PLCG2: variants seen among roughly 807,000 people sequenced by gnomAD.
The protein encoded by PLCG2 is phospholipase C gamma 2.
A neutral mutation model predicts 175.6 loss-of-function variants in PLCG2; 69 were observed. The ratio of observed to expected loss-of-function variants is 0.39; its 90% CI spans 0.32 to 0.48. The LOEUF (loss-of-function observed/expected upper bound fraction) is 0.48. Ranked by LOEUF, PLCG2 falls within the 20% of genes least tolerant of loss-of-function variation. PLCG2 has a pLI of 0.91. For missense variants in PLCG2, 1,798 were observed against 1,650.9 expected (o/e 1.09, Z -1.54); for synonymous variants, 827 against 624.0 (o/e 1.33, Z -4.85).
intron 30 of PLCG2, among the ~76,000 whole-genome samples, chr16:81,941,807 A>C (rs1910953738): frequency 6.6e-6 from 1 of 151,538 alleles, no homozygotes; most frequent in East Asian, 1.9e-4. Flanking sequence ...AGTAGCTGGG[A>C]CTACAGGTGT....
chr16:81,771,374 C>G (rs1248692325), intron 2 of PLCG2, among the ~76,000 whole-genome samples: 1 of 152,210 alleles, frequency 6.6e-6, no homozygotes, highest in African/African-American at 2.4e-5. Flanking sequence ...ACTATTCTGA[C>G]TTCTAAAAGC....
intron 2 of PLCG2, among the ~76,000 whole-genome samples, chr16:81,803,655 CCCTCCCTCCCTTCCTT>C (rs1395702410): frequency 6.7e-5 from 5 of 74,636 alleles, no homozygotes; most frequent in Non-Finnish European, 1.5e-4. Context: ...CTCCCTCCCT[CCCTCCCTCCCTTCCTT>C]CCTTCCTTCC....
At chr16:81,804,197 G>A (rs184001484) in intron 2 of PLCG2, among the ~76,000 whole-genome samples, 116 of 152,312 alleles carry the variant, frequency 7.6e-4, no homozygotes, top group African/African-American at 2.6e-3. Flanking sequence ...ACTTCCCCAT[G>A]TCCTCGCCAA....
intron 11 of PLCG2, 150 bp downstream of exon 11, chr16:81,891,740 TC>T (rs893817622): frequency 5.5e-5 from 31 of 562,256 alleles, no homozygotes; most frequent in African/African-American, 5.4e-4. Context: ...CACAGAAGCT[TC>T]TGGAAGGGGC....
intron 2 of PLCG2, among the ~76,000 whole-genome samples, chr16:81,807,048 C>T (rs111922848): frequency 1.2e-4 from 19 of 152,282 alleles, no homozygotes; most frequent in African/African-American, 4.6e-4. Flanking sequence ...TCTCCTGAGT[C>T]GTCCATTCTA....
At chr16:81,953,193 G>A (rs539389353) in intron 31 of PLCG2, among the ~76,000 whole-genome samples, 1 of 152,228 alleles carries the variant, frequency 6.6e-6, no homozygotes, top group Non-Finnish European at 1.5e-5. Flanking sequence ...GACTAAGGCA[G>A]CACAATGACT....
chr16:81,765,346 G>C (rs1043897735), intron 2 of PLCG2, among the ~76,000 whole-genome samples: 2 of 152,228 alleles, frequency 1.3e-5, no homozygotes, highest in African/African-American at 4.8e-5. Context: ...AAGCAACCAT[G>C]CCGGCCAGGT....
At chr16:81,949,619 C>T (rs1441177425) in intron 31 of PLCG2, among the ~76,000 whole-genome samples, 2 of 152,040 alleles carry the variant, frequency 1.3e-5, no homozygotes, top group African/African-American at 4.8e-5. Context: ...TTATTTTAGT[C>T]AGAAAAGAAA....
intron 2 of PLCG2, among the ~76,000 whole-genome samples, chr16:81,773,763 C>G (rs553551860): frequency 1.2e-4 from 19 of 152,190 alleles, no homozygotes; most frequent in African/African-American, 4.6e-4. Flanking sequence ...CCACAGCAGC[C>G]CTATTTACCA....
chr16:81,855,141 C>T (rs115179082), intron 3 of PLCG2, among the ~76,000 whole-genome samples: 1 of 143,872 alleles, frequency 7.0e-6, no homozygotes, highest in African/African-American at 2.6e-5. Context: ...ACCAGTGAGC[C>T]AAGATTGCAT....
chr16:81,806,981 A>T (rs931442734), intron 2 of PLCG2, among the ~76,000 whole-genome samples: 2 of 151,896 alleles, frequency 1.3e-5, no homozygotes, highest in Non-Finnish European at 2.9e-5. Flanking sequence ...GCCATGGGAG[A>T]GTTTGCAGTG....
rs139313863 is a variant in PLCG2, at chr16:81,795,115, G to T, written c.193+8933G>T. ...TGTGTTGGGCAATGTGCTTGTCACT[G>T]GGGATAAAGTAGTGAACAGGACCCT... On this transcript the variant is annotated intron_variant, in intron 2 of 32. Coordinates refer to ENST00000564138, the MANE Select transcript of PLCG2 (RefSeq NM_002661.5). Among the ~76,000 whole-genome samples the T allele has an allele frequency of 7.6e-3, 1,152 of 152,326 alleles. 4 individuals carry two copies. Among genetic ancestry groups the T allele is most frequent in the Middle Eastern group, 0.014 (4 of 294 alleles).
chr16:81,798,568 C>G (rs1042638076), intron 2 of PLCG2: 1 of 152,326 alleles, frequency 6.6e-6, no homozygotes, highest in African/African-American at 2.4e-5. Flanking sequence ...ACTCCACTGT[C>G]ACAGGGCTGT....
intron 31 of PLCG2, among the ~76,000 whole-genome samples, chr16:81,952,361 C>A (rs911859299): frequency 6.6e-6 from 1 of 152,114 alleles, no homozygotes; most frequent in Admixed American, 6.6e-5. Flanking sequence ...GTGCCTAGAA[C>A]TTATGACACC....
At chr16:81,880,979 G>C in intron 8 of PLCG2, 26 bp downstream of exon 8, 1 of 1,612,668 alleles carries the variant, frequency 6.2e-7, no homozygotes, top group South Asian at 1.1e-5. Flanking sequence ...TGTGTCGTTC[G>C]GGGCGGCTGT....
chr16:81,937,988 C>T, intron 28 of PLCG2, 85 bp downstream of exon 28: 2 of 1,294,844 alleles, frequency 1.5e-6, no homozygotes, highest in East Asian at 2.4e-5. Flanking sequence ...GCAGGGAACC[C>T]ATGTCTAGGG....
chr16:81,841,754 T>C (rs921166714), intron 2 of PLCG2, among the ~76,000 whole-genome samples: 12 of 152,296 alleles, frequency 7.9e-5, no homozygotes, highest in Admixed American at 1.3e-4. Flanking sequence ...GAAGCCCCTT[T>C]TGTCATTACA....
intron 30 of PLCG2, among the ~76,000 whole-genome samples, chr16:81,944,462 C>T (rs1911072724): frequency 6.6e-6 from 1 of 151,922 alleles, no homozygotes; most frequent in Non-Finnish European, 1.5e-5. Context: ...AATACTACGC[C>T]ACTGAATTAA....
chr16:81,840,244 C>G (rs150361813), intron 2 of PLCG2, among the ~76,000 whole-genome samples: 291 of 152,250 alleles, frequency 1.9e-3, no homozygotes, highest in Non-Finnish European at 3.5e-3. Context: ...GACAGCTGGC[C>G]CCTGAGCTGC....
Sources: allele counts gnomAD v4.1 joint callset (sites outside exome capture counted in the v4.1 genomes callset), GRCh38; gene constraint gnomAD v4.1.1; transcripts MANE v1.5; gene names NCBI Gene and HGNC (gene_info 2026-07-23, HGNC 2026-07-21).